SMYD3: variants seen among roughly 807,000 people sequenced by gnomAD.
SMYD3 encodes the protein SET and MYND domain containing 3.
Under a neutral mutation model 57.7 loss-of-function variants are expected in SMYD3, and 36 were observed. The ratio of observed to expected loss-of-function variants is 0.62; its 90% confidence interval spans 0.48 to 0.82. The LOEUF (loss-of-function observed/expected upper bound fraction) is 0.82. Among genes scored for constraint, SMYD3 ranks in the 40% least tolerant of loss-of-function variants. The pLI, the probability that SMYD3 is intolerant of heterozygous loss-of-function variation, is 0.00. For synonymous variants in SMYD3, 211 were observed against 195.0 expected, an observed-to-expected ratio of 1.08 and a Z score of -0.68; for missense variants, 515 against 538.8, an observed-to-expected ratio of 0.96 and a Z score of 0.44.
chr1:246,028,524 AAGG>A (rs1476202261), intron 5 of SMYD3, among the ~76,000 whole-genome samples: 1 of 152,212 alleles, frequency 6.6e-6, no homozygotes, highest in Admixed American at 6.5e-5. Context: ...AAATTTATTG[AAGG>A]AGGAGAGAGA....
Position 246,165,699 on chromosome 1 carries a change from G to A in SMYD3, c.531+161502C>T, listed in dbSNP as rs933512646. Among the ~76,000 whole-genome samples, 3 of 152,140 alleles carry A rather than the reference G, an allele frequency of 2.0e-5. No individual in the cohort carries two copies. The East Asian group carries it at 5.8e-4, about 29-fold the overall frequency. On this transcript the variant is annotated intron_variant, in intron 5 of 11. Transcript: ENST00000490107. ...TTTAAGGTGAGCTTAGATGCAAATGGTAAAAGTGAATAAAGGTCGGGGAGT... is the reference window on the plus strand; with the variant it reads ...TTTAAGGTGAGCTTAGATGCAAATGATAAAAGTGAATAAAGGTCGGGGAGT...
chr1:246,163,634 G>A (rs2062157712), intron 5 of SMYD3, among the ~76,000 whole-genome samples: 1 of 152,138 alleles, frequency 6.6e-6, no homozygotes, highest in Non-Finnish European at 1.5e-5. Flanking sequence ...TTAGGTTTCT[G>A]TACTCAATGT....
chr1:245,804,790 T>C (rs1016096757), intron 10 of SMYD3, among the ~76,000 whole-genome samples: 1 of 152,126 alleles, frequency 6.6e-6, no homozygotes, highest in African/African-American at 2.4e-5. Context: ...CATCTTGAAG[T>C]TGGAGCGAGC....
intron 10 of SMYD3, among the ~76,000 whole-genome samples, chr1:245,848,086 T>C (rs866884291): frequency 2.7e-5 from 4 of 145,758 alleles, no homozygotes; most frequent in African/African-American, 1.0e-4. Flanking sequence ...GTCAGGCAAA[T>C]GCAACAGAGA....
chr1:245,765,345 C>T (rs2046040160), intron 10 of SMYD3, among the ~76,000 whole-genome samples: 1 of 151,568 alleles, frequency 6.6e-6, no homozygotes, highest in African/African-American at 2.4e-5. Context: ...TGCAGTTTCA[C>T]ACCACTGCAC....
chr1:245,953,267 C>T, intron 5 of SMYD3: 3 of 1,000,076 alleles, frequency 3.0e-6, no homozygotes. Context: ...AAATTTGCTA[C>T]ATTGGGAAAC....
chr1:245,752,326 A>G (rs1203652603), intron 11 of SMYD3, among the ~76,000 whole-genome samples: 2 of 152,130 alleles, frequency 1.3e-5, no homozygotes, highest in African/African-American at 2.4e-5. Flanking sequence ...CCCTGCCCTC[A>G]CAGAGGCCCT....
At chr1:246,462,202 C>T (rs767971558) in intron 1 of SMYD3, among the ~76,000 whole-genome samples, 14 of 101,002 alleles carry the variant, frequency 1.4e-4, no homozygotes, top group South Asian at 1.3e-3. Context: ...GTGCATCCTC[C>T]CGCGGGGCCT....
At chr1:245,785,989 G>A (rs1378907686) in intron 10 of SMYD3, among the ~76,000 whole-genome samples, 1 of 151,664 alleles carries the variant, frequency 6.6e-6, no homozygotes, top group African/African-American at 2.4e-5. Context: ...ACAGGTGTGA[G>A]CCATGGTGCC....
At chr1:246,155,123 T>C (rs1219170026) in intron 5 of SMYD3, among the ~76,000 whole-genome samples, 1 of 152,148 alleles carries the variant, frequency 6.6e-6, no homozygotes, top group African/African-American at 2.4e-5. Context: ...AATTTATGAA[T>C]TAGCTTTCTT....
intron 5 of SMYD3, among the ~76,000 whole-genome samples, chr1:246,186,552 G>T (rs2062643461): frequency 6.6e-6 from 1 of 152,096 alleles, no homozygotes; most frequent in Non-Finnish European, 1.5e-5. Flanking sequence ...GAACAGCACG[G>T]TGGGTGAATT....
chr1:246,235,192 G>T (rs772761562), intron 5 of SMYD3, among the ~76,000 whole-genome samples: 12 of 152,114 alleles, frequency 7.9e-5, no homozygotes, highest in Admixed American at 2.0e-4. Context: ...TAGAAGAAAA[G>T]ACAGGAGTTA....
In SMYD3 at chr1:246,419,409, T is replaced by G. The variant is rs1052424810; in HGVS notation, c.165-64315A>C. Among the ~76,000 whole-genome samples the G allele has an allele frequency of 2.6e-5, 4 of 152,200 alleles. No individual in the cohort carries two copies. The East Asian group carries it at 7.7e-4, about 29-fold the overall frequency. On this transcript the variant is annotated intron_variant, in intron 1 of 11. Transcript: ENST00000490107. The stretch of plus-strand genomic sequence containing the variant: ...CCACTTGTCTTCTTCCACCAATGTG[T>G]TCCTCTCACCCTCCAGCTGCTTCTG...
chr1:246,101,431 A>G (rs867734938), intron 5 of SMYD3, among the ~76,000 whole-genome samples: 7 of 152,106 alleles, frequency 4.6e-5, no homozygotes, highest in African/African-American at 1.7e-4. Context: ...CTGTTCCTTC[A>G]ATCTCTGCCA....
intron 3 of SMYD3, among the ~76,000 whole-genome samples, chr1:246,335,128 G>A (rs1258487678): frequency 1.3e-5 from 2 of 152,152 alleles, no homozygotes; most frequent in African/African-American, 4.8e-5. Context: ...ATTAAAGTAT[G>A]TACATTGTTC....
At chr1:246,131,955 A>G (rs1353102461) in intron 5 of SMYD3, among the ~76,000 whole-genome samples, 1 of 152,190 alleles carries the variant, frequency 6.6e-6, no homozygotes, top group African/African-American at 2.4e-5. Flanking sequence ...ACAATGAAGA[A>G]GCACAGGGGA....
chr1:246,129,533 T>C (rs1418572182), intron 5 of SMYD3, among the ~76,000 whole-genome samples: 2 of 152,214 alleles, frequency 1.3e-5, no homozygotes, highest in African/African-American at 4.8e-5. Flanking sequence ...TTCAGCGCCA[T>C]TTCCTTTGAC....
At chr1:246,474,041 T>A (rs2067995270) in intron 1 of SMYD3, among the ~76,000 whole-genome samples, 1 of 152,248 alleles carries the variant, frequency 6.6e-6, no homozygotes. Context: ...TATTAACAAT[T>A]TATTTTTAAT....
chr1:246,247,873 A>G lies in SMYD3; in HGVS notation c.531+79328T>C, dbSNP rs368755807. ...AAATCCAGGTAGCAAGAGAACCTGG[A>G]TAAGTACTGCCTGGATTAGCGAGCG... On this transcript the variant is annotated intron_variant, in intron 5 of 11. Transcript: ENST00000490107. Among the ~76,000 whole-genome samples the G allele has an allele frequency of 7.3e-4, 111 of 152,316 alleles. 1 individual carries two copies. The East Asian group carries it at 0.017, about 24-fold the overall frequency.
Sources: allele counts gnomAD v4.1 joint callset (sites outside exome capture counted in the v4.1 genomes callset), GRCh38; gene constraint gnomAD v4.1.1; transcripts MANE v1.5; gene names NCBI Gene and HGNC (gene_info 2026-07-23, HGNC 2026-07-21).